Variants in OPCML observed in about 807,000 individuals in gnomAD.
OPCML encodes the protein opioid binding protein/cell adhesion molecule like.
Under a neutral mutation model 37.8 loss-of-function variants are expected in OPCML, and 13 were observed. The ratio of observed to expected loss-of-function variants is 0.34; its 90% CI spans 0.22 to 0.55. The LOEUF (loss-of-function observed/expected upper bound fraction) is 0.55, where lower values mean the gene tolerates loss of function less well. OPCML is among the 20% of genes least tolerant of loss of function. The pLI, the probability that OPCML is intolerant of heterozygous loss-of-function variation, is 0.91. For missense variants in OPCML, 341 were observed against 435.6 expected (o/e 0.78, Z 1.93); for synonymous variants, 176 against 168.8 (o/e 1.04, Z -0.33).
chr11:133,391,579 A>T (rs918599966), intron 1 of OPCML, among the ~76,000 whole-genome samples: 15 of 152,168 alleles, frequency 9.9e-5, no homozygotes, highest in African/African-American at 3.6e-4. Flanking sequence ...ATATCCCTCC[A>T]TCAAAAAGCA....
intron 1 of OPCML, chr11:133,066,797 C>T (rs568329626): frequency 6.6e-6 from 1 of 152,374 alleles, no homozygotes; most frequent in African/African-American, 2.4e-5. Context: ...CTGCCTCAGC[C>T]TCTCAAGTAA....
At chr11:133,400,134 G>C (rs146396558) in intron 1 of OPCML, among the ~76,000 whole-genome samples, 1 of 152,138 alleles carries the variant, frequency 6.6e-6, no homozygotes, top group East Asian at 1.9e-4. Flanking sequence ...CAGCTTTTCC[G>C]ACCCAGAAGT....
intron 3 of OPCML, among the ~76,000 whole-genome samples, chr11:132,529,836 G>C (rs1591512476): frequency 6.6e-6 from 1 of 152,132 alleles, no homozygotes; most frequent in East Asian, 1.9e-4. Flanking sequence ...CAATGTGTGG[G>C]TGTCCTTACT....
intron 1 of OPCML, among the ~76,000 whole-genome samples, chr11:133,227,550 C>T (rs998056032): frequency 3.3e-5 from 5 of 151,996 alleles, no homozygotes; most frequent in Admixed American, 3.3e-4. Flanking sequence ...CTCTTTAATA[C>T]CGAAACTTTA....
chr11:132,947,671 T>C (rs983294427), intron 1 of OPCML, among the ~76,000 whole-genome samples: 4 of 152,166 alleles, frequency 2.6e-5, no homozygotes, highest in Non-Finnish European at 5.9e-5. Context: ...AGGTTCACAA[T>C]GAACAAGGAC....
chr11:132,430,154 C>T (rs545529193), intron 7 of OPCML, among the ~76,000 whole-genome samples: 33 of 152,272 alleles, frequency 2.2e-4, no homozygotes, highest in East Asian at 5.8e-4. Context: ...AGAAAAGGCA[C>T]GGGTGAGGCA....
At chr11:133,006,914 G>A in intron 1 of OPCML, 4 of 985,444 alleles carry the variant, frequency 4.1e-6, no homozygotes, top group Non-Finnish European at 4.8e-6. Context: ...CTAGGCTGGT[G>A]TAGTGCTTGT....
intron 3 of OPCML, among the ~76,000 whole-genome samples, chr11:132,613,804 T>G (rs1011823862): frequency 6.6e-6 from 1 of 152,094 alleles, no homozygotes; most frequent in Non-Finnish European, 1.5e-5. Context: ...GAAGCAAAAT[T>G]ATGGTTGCTG....
chr11:132,535,788 C>A (rs368372874), intron 3 of OPCML, among the ~76,000 whole-genome samples: 2 of 152,032 alleles, frequency 1.3e-5, no homozygotes, highest in East Asian at 1.9e-4. Flanking sequence ...CTGGATCTTG[C>A]GGTTTCCTCC....
chr11:132,942,450 A>T (rs1029667652), intron 2 of OPCML, among the ~76,000 whole-genome samples: 1 of 152,200 alleles, frequency 6.6e-6, no homozygotes, highest in African/African-American at 2.4e-5. Flanking sequence ...GACTCATAAC[A>T]GGCCGTGGGC....
chr11:133,318,589 C>T (rs1943257528), intron 1 of OPCML, among the ~76,000 whole-genome samples: 1 of 152,178 alleles, frequency 6.6e-6, no homozygotes, highest in South Asian at 2.1e-4. Flanking sequence ...ACCTTTTTCC[C>T]TATTGTGAGA....
intron 7 of OPCML, among the ~76,000 whole-genome samples, chr11:132,424,774 T>C (rs752718160): frequency 3.3e-5 from 5 of 152,206 alleles, no homozygotes; most frequent in Non-Finnish European, 7.3e-5. Context: ...GAGTGCCTGG[T>C]ACAAAGTAGT....
chr11:132,694,179 CTTTTTTTTTTTT>C (rs1162305568), intron 2 of OPCML, among the ~76,000 whole-genome samples: 992 of 42,968 alleles, frequency 0.023, 11 homozygotes, highest in African/African-American at 0.053. Flanking sequence ...AAATCAATGT[CTTTTTTTTTTTT>C]TTTTTTTTTT....
chr11:132,508,590 C>G (rs1193141473), intron 4 of OPCML, among the ~76,000 whole-genome samples: 1 of 151,918 alleles, frequency 6.6e-6, no homozygotes, highest in Non-Finnish European at 1.5e-5. Flanking sequence ...TGGGAGGGAC[C>G]CAGGGGGAGG....
chr11:132,803,627 G>A (rs915586558), intron 2 of OPCML, among the ~76,000 whole-genome samples: 1 of 152,200 alleles, frequency 6.6e-6, no homozygotes, highest in Non-Finnish European at 1.5e-5. Flanking sequence ...CTTCACTAAT[G>A]AGCGAGGATG....
intron 2 of OPCML, among the ~76,000 whole-genome samples, chr11:132,894,665 G>C (rs1943770283): frequency 6.6e-6 from 1 of 152,212 alleles, no homozygotes; most frequent in Non-Finnish European, 1.5e-5. Context: ...CAGTGTGCTT[G>C]GCACCATCTC....
At chr11:132,888,878 A>G (rs1333540665) in intron 2 of OPCML, among the ~76,000 whole-genome samples, 2 of 152,238 alleles carry the variant, frequency 1.3e-5, no homozygotes, top group Non-Finnish European at 2.9e-5. Context: ...AAAGAAAAAA[A>G]AAATCTGTTC....
chr11:132,973,111 AC>A (rs1270377462), intron 1 of OPCML, among the ~76,000 whole-genome samples: 9 of 152,132 alleles, frequency 5.9e-5, no homozygotes, highest in African/African-American at 2.2e-4. Flanking sequence ...CCAGACCCTG[AC>A]TTGACAACCT....
rs148909199 is a variant in OPCML at position 133,208,513 on chromosome 11, T to C, written c.62-265503A>G. Reference sequence around the variant, plus strand: ...ATTTGGATAATAAAGTGCAATGAAGTATGTCAGTAGGGCATCGTAAATATA... The same window carrying C: ...ATTTGGATAATAAAGTGCAATGAAGCATGTCAGTAGGGCATCGTAAATATA... On this transcript the variant is annotated intron_variant, in intron 1 of 7. Transcript: ENST00000524381. This position sits in a 1 kb window ranked among gnomAD's most constrained non-coding sequence, Gnocchi z 8.9. Among the ~76,000 whole-genome samples the C allele has an allele frequency of 9.3e-4, 142 of 152,352 alleles. 2 individuals carry two copies. The East Asian group carries it at 0.02, about 22-fold the overall frequency.
Sources: allele counts gnomAD v4.1 joint callset (sites outside exome capture counted in the v4.1 genomes callset), GRCh38; gene constraint gnomAD v4.1.1; non-coding constraint Gnocchi (gnomAD v3.1); transcripts MANE v1.5; gene names NCBI Gene and HGNC (gene_info 2026-07-23, HGNC 2026-07-21).